IFTAP: variants seen among roughly 807,000 people sequenced by gnomAD.
IFTAP encodes intraflagellar transport-associated protein.
A neutral mutation model predicts 19.4 loss-of-function variants in IFTAP; 19 were observed. The ratio of observed to expected loss-of-function variants is 0.98; its 90% CI spans 0.68 to 1.44. The LOEUF (loss-of-function observed/expected upper bound fraction) is 1.44, where lower values mean the gene tolerates loss of function less well. Ranked by LOEUF, IFTAP falls within the 40% of genes most tolerant of loss-of-function variation. The pLI is 0.00. For synonymous variants in IFTAP, 85 were observed against 83.5 expected, an observed-to-expected ratio of 1.02 and a Z score of -0.10; for missense variants, 240 against 253.6, an observed-to-expected ratio of 0.95 and a Z score of 0.36.
At chr11:36,616,351 A>G (rs1332887905) in intron 2 of IFTAP, among the ~76,000 whole-genome samples, 1 of 151,780 alleles carries the variant, frequency 6.6e-6, no homozygotes, top group African/African-American at 2.4e-5. Flanking sequence ...TTCACTTGCA[A>G]TGCTTTGTGC....
intron 2 of IFTAP, among the ~76,000 whole-genome samples, chr11:36,627,723 G>A (rs1245801033): frequency 6.6e-6 from 1 of 151,130 alleles, no homozygotes; most frequent in Non-Finnish European, 1.5e-5. Context: ...GACTAAGTTA[G>A]TTGGGAAGGT....
chr11:36,609,672 G>A (rs1851805680), intron 1 of IFTAP, among the ~76,000 whole-genome samples: 1 of 152,104 alleles, frequency 6.6e-6, no homozygotes, highest in Non-Finnish European at 1.5e-5. Flanking sequence ...CAAAAAAATT[G>A]CTCAGAACAG....
intron 1 of IFTAP, among the ~76,000 whole-genome samples, chr11:36,602,863 A>G (rs1851557853): frequency 6.6e-6 from 1 of 152,126 alleles, no homozygotes; most frequent in Admixed American, 6.5e-5. Flanking sequence ...GGTAGTGAAA[A>G]GGCATTCTTT....
In IFTAP at chr11:36,610,714, G is replaced by A. The variant is rs549293834; in HGVS notation, c.136+475G>A. 4.6e-5 allele frequency among the ~76,000 whole-genome samples: 7 copies of A among 152,266 alleles called. No individual in the cohort carries two copies. In the East Asian group the frequency reaches 1.4e-3, roughly 29 times the overall value. ...AATAATAATAGTACTTCTCTCAAAGGTTGAGAAACGTTAATTGAGATAATC... is the reference window on the plus strand; with the variant it reads ...AATAATAATAGTACTTCTCTCAAAGATTGAGAAACGTTAATTGAGATAATC... On this transcript the variant is annotated intron_variant, in intron 2 of 5. Transcript: ENST00000334307.
intron 4 of IFTAP, among the ~76,000 whole-genome samples, chr11:36,639,352 G>A (rs1433021624): frequency 6.6e-6 from 1 of 151,902 alleles, no homozygotes; most frequent in African/African-American, 2.4e-5. Context: ...TATTGACTGA[G>A]AATGGGCACT....
intron 1 of IFTAP, among the ~76,000 whole-genome samples, chr11:36,604,633 A>G (rs976546269): frequency 6.6e-6 from 1 of 152,168 alleles, no homozygotes; most frequent in African/African-American, 2.4e-5. Flanking sequence ...GGAGGCATGA[A>G]TATACCTGCC....
In IFTAP at chr11:36,659,039, A is replaced by G; in HGVS notation, c.519A>G (p.Gln173=). 1 of 1,600,660 alleles carries G rather than the reference A, an allele frequency of 6.2e-7. No homozygotes were observed. The highest frequency in any genetic ancestry group is 2.3e-5 in the East Asian group (1 of 44,434). ...TATAGATACTTGGAGATGAAGTTCA[A>G]CTTTTTTCACTTGATGAAGAATTTG... The part of the protein sequence containing the change: ...QTEEILGDEV[Q]LFSLDEEFDY... Residue 173 remains glutamine (Q), a synonymous_variant, in exon 6 of 6, where the codon CAA becomes CAG. Coordinates refer to ENST00000334307, the MANE Select transcript of IFTAP (RefSeq NM_138787.4).
chr11:36,600,320 C>T (rs1590730476), intron 1 of IFTAP, among the ~76,000 whole-genome samples: 1 of 152,244 alleles, frequency 6.6e-6, no homozygotes, highest in East Asian at 1.9e-4. Flanking sequence ...GGTCAGCAGT[C>T]TGTTAGGAAC....
intron 4 of IFTAP, among the ~76,000 whole-genome samples, chr11:36,642,176 T>C (rs1364503630): frequency 4.6e-5 from 7 of 151,992 alleles, no homozygotes; most frequent in Non-Finnish European, 8.8e-5. Context: ...AAAGGGGATA[T>C]CACCACCGAT....
At chr11:36,625,651 T>A (rs1306550264) in intron 2 of IFTAP, among the ~76,000 whole-genome samples, 1 of 152,214 alleles carries the variant, frequency 6.6e-6, no homozygotes, top group African/African-American at 2.4e-5. Flanking sequence ...ATATCTACTA[T>A]GTGCTAAATG....
intron 1 of IFTAP, among the ~76,000 whole-genome samples, chr11:36,607,332 G>A (rs887232623): frequency 6.6e-6 from 1 of 152,078 alleles, no homozygotes; most frequent in Non-Finnish European, 1.5e-5. Flanking sequence ...GTAGTTTCAC[G>A]ATTCTTTATT....
chr11:36,625,337 C>T, intron 2 of IFTAP, among the ~76,000 whole-genome samples: 1 of 152,100 alleles, frequency 6.6e-6, no homozygotes, highest in Middle Eastern at 3.4e-3. Flanking sequence ...ATATATTCAG[C>T]AAATTTATTA....
At chr11:36,610,296 T>C in intron 2 of IFTAP, 57 bp downstream of exon 2, 1 of 1,460,192 alleles carries the variant, frequency 6.8e-7, no homozygotes, top group East Asian at 2.3e-5. Context: ...TTATTATAAG[T>C]GTATGTTTTT....
chr11:36,625,377 A>G (rs1007545298), intron 2 of IFTAP, among the ~76,000 whole-genome samples: 2 of 152,178 alleles, frequency 1.3e-5, no homozygotes, highest in African/African-American at 4.8e-5. Flanking sequence ...GGCTTATGCT[A>G]CACATAGTTT....
intron 2 of IFTAP, among the ~76,000 whole-genome samples, chr11:36,626,061 G>A (rs1368528345): frequency 6.6e-6 from 1 of 150,854 alleles, no homozygotes; most frequent in East Asian, 1.9e-4. Flanking sequence ...TAGCTTTGTA[G>A]GTCCTTGCAA....
At chr11:36,649,035 C>T (rs1418390387) in intron 5 of IFTAP, among the ~76,000 whole-genome samples, 1 of 152,106 alleles carries the variant, frequency 6.6e-6, no homozygotes, top group Non-Finnish European at 1.5e-5. Context: ...TGACCTTTCT[C>T]ACCCTCCTTA....
intron 1 of IFTAP, among the ~76,000 whole-genome samples, chr11:36,600,132 C>A (rs1263344656): frequency 5.9e-5 from 9 of 152,196 alleles, no homozygotes; most frequent in Admixed American, 5.9e-4. Context: ...TTACAGTGAT[C>A]TCATACAAGG....
chr11:36,642,584 T>A (rs1457929410), intron 4 of IFTAP, among the ~76,000 whole-genome samples: 1 of 152,104 alleles, frequency 6.6e-6, no homozygotes, highest in African/African-American at 2.4e-5. Flanking sequence ...ATATCCCTCA[T>A]GAACATCGAT....
At chr11:36,635,355 AT>A (rs1416626329) in intron 3 of IFTAP, among the ~76,000 whole-genome samples, 1 of 152,166 alleles carries the variant, frequency 6.6e-6, no homozygotes, top group Non-Finnish European at 1.5e-5. Flanking sequence ...AAATGTTACC[AT>A]TTTGTTAATC....
Sources: allele counts gnomAD v4.1 joint callset (sites outside exome capture counted in the v4.1 genomes callset), GRCh38; gene constraint gnomAD v4.1.1; transcripts MANE v1.5; gene names NCBI Gene and HGNC (gene_info 2026-07-23, HGNC 2026-07-21).